ST6GALNAC3: variants seen among roughly 807,000 people sequenced by gnomAD.
ST6GALNAC3 encodes the protein ST6 N-acetylgalactosaminide alpha-2,6-sialyltransferase 3, also known as alpha-N-acetylgalactosaminide alpha-2,6-sialyltransferase 3.
ST6GALNAC3 carries 25 observed loss-of-function variants against 32.7 expected under a neutral mutation model. The ratio of observed to expected loss-of-function variants is 0.76; its 90% confidence interval spans 0.56 to 1.07. The LOEUF (loss-of-function observed/expected upper bound fraction) is 1.07. ST6GALNAC3 is among the 50% of genes least tolerant of loss of function. The pLI is 0.00. For missense variants in ST6GALNAC3, 355 were observed against 382.4 expected (o/e 0.93, Z 0.60); for synonymous variants, 129 against 133.1 (o/e 0.97, Z 0.21).
Position 76,308,239 on chromosome 1 carries a change from A to G in ST6GALNAC3, c.19-5566A>G, listed in dbSNP as rs941638717. 3.9e-5 allele frequency among the ~76,000 whole-genome samples: 6 copies of G among 152,116 alleles called. No individual in the cohort carries two copies. In the East Asian group the frequency reaches 7.7e-4, roughly 20 times the overall value. ...GTCTGACCAGTGCTCAACACTAGCT[A>G]ATGTTCACTGAGGCTGTAACCATCA... On this transcript the variant is annotated intron_variant, in intron 1 of 4. Coordinates refer to ENST00000328299, the MANE Select transcript of ST6GALNAC3 (RefSeq NM_152996.4).
intron 3 of ST6GALNAC3, among the ~76,000 whole-genome samples, chr1:76,416,888 A>G (rs539184905): frequency 3.3e-5 from 5 of 152,186 alleles, no homozygotes; most frequent in African/African-American, 9.6e-5. Context: ...AGGCTCCCAA[A>G]GTGCTGGGAT....
intron 3 of ST6GALNAC3, among the ~76,000 whole-genome samples, chr1:76,527,383 A>G (rs1317950004): frequency 6.6e-6 from 1 of 152,134 alleles, no homozygotes; most frequent in African/African-American, 2.4e-5. Context: ...TTCAAAGATT[A>G]AATAGTTTTG....
chr1:76,442,526 T>C (rs1571241416), intron 3 of ST6GALNAC3, among the ~76,000 whole-genome samples: 1 of 152,228 alleles, frequency 6.6e-6, no homozygotes, highest in Non-Finnish European at 1.5e-5. Flanking sequence ...ATTTGTGCTG[T>C]GATATAATTC....
chr1:76,161,802 C>G (rs1359860513), intron 1 of ST6GALNAC3, among the ~76,000 whole-genome samples: 1 of 152,222 alleles, frequency 6.6e-6, no homozygotes, highest in East Asian at 1.9e-4. Context: ...TCTGTACATA[C>G]ACCAGTTAAA....
chr1:76,113,022 C>T (rs941288589), intron 1 of ST6GALNAC3, among the ~76,000 whole-genome samples: 3 of 152,096 alleles, frequency 2.0e-5, no homozygotes, highest in African/African-American at 7.2e-5. Context: ...GCCGAGATCA[C>T]GCCACTGCAC....
chr1:76,186,439 C>T (rs1653560218), intron 1 of ST6GALNAC3, among the ~76,000 whole-genome samples: 2 of 152,244 alleles, frequency 1.3e-5, no homozygotes, highest in South Asian at 4.1e-4. Flanking sequence ...TTTCCTCCTT[C>T]ATTCCATTCT....
intron 1 of ST6GALNAC3, among the ~76,000 whole-genome samples, chr1:76,148,921 T>G (rs959632465): frequency 3.9e-5 from 6 of 152,248 alleles, no homozygotes; most frequent in African/African-American, 1.4e-4. Flanking sequence ...GGCAGACTTG[T>G]GTTTCATCCT....
intron 3 of ST6GALNAC3, among the ~76,000 whole-genome samples, chr1:76,455,368 G>T (rs1283013252): frequency 6.6e-6 from 1 of 152,116 alleles, no homozygotes; most frequent in Admixed American, 6.6e-5. Flanking sequence ...AATAAAGACA[G>T]ATTTTGAAAT....
intron 1 of ST6GALNAC3, among the ~76,000 whole-genome samples, chr1:76,091,960 T>C (rs1344738673): frequency 6.6e-6 from 1 of 152,230 alleles, no homozygotes; most frequent in Non-Finnish European, 1.5e-5. Context: ...TTCATCCTGC[T>C]GTGAGTTTGG....
At chr1:76,211,800 G>A (rs973793283) in intron 1 of ST6GALNAC3, among the ~76,000 whole-genome samples, 4 of 152,044 alleles carry the variant, frequency 2.6e-5, no homozygotes, top group African/African-American at 4.8e-5. Flanking sequence ...TGGGGGGAGC[G>A]GGGAGGGATA....
intron 3 of ST6GALNAC3, among the ~76,000 whole-genome samples, chr1:76,502,718 G>A (rs185716384): frequency 1.3e-5 from 2 of 152,220 alleles, no homozygotes. Flanking sequence ...GTATTTAGAC[G>A]TATAAATTTT....
chr1:76,566,122 T>C (rs1570295314), intron 3 of ST6GALNAC3, among the ~76,000 whole-genome samples: 1 of 152,336 alleles, frequency 6.6e-6, no homozygotes, highest in South Asian at 2.1e-4. Context: ...AGGTGCCATA[T>C]GGATCCTTGG....
chr1:76,300,173 A>T (rs1660646905), intron 1 of ST6GALNAC3, among the ~76,000 whole-genome samples: 1 of 152,070 alleles, frequency 6.6e-6, no homozygotes, highest in African/African-American at 2.4e-5. Flanking sequence ...GGTGTAAAAT[A>T]GCTGCAATCA....
chr1:76,539,241 A>G (rs1052567513), intron 3 of ST6GALNAC3, among the ~76,000 whole-genome samples: 1 of 152,154 alleles, frequency 6.6e-6, no homozygotes, highest in East Asian at 1.9e-4. Context: ...TCTTTGACAA[A>G]CCTGACAAAA....
At chr1:76,609,918 A>C (rs1418468135) in intron 3 of ST6GALNAC3, among the ~76,000 whole-genome samples, 1 of 152,294 alleles carries the variant, frequency 6.6e-6, no homozygotes, top group East Asian at 1.9e-4. Context: ...CCTTGGCCAT[A>C]GAGTGTGGCT....
rs74091306 is a variant in ST6GALNAC3 at position 76,557,975 on chromosome 1, G to A, written c.624-69477G>A. ...AAAGATGAAACATGTTAGTAAGAGG[G>A]AGCTATGGTGGTTCCCAAATGACAA... On this transcript the variant is annotated intron_variant, in intron 3 of 4. Coordinates refer to ENST00000328299, the MANE Select transcript of ST6GALNAC3 (RefSeq NM_152996.4). 4.4e-3 allele frequency among the ~76,000 whole-genome samples: 674 copies of A among 152,172 alleles called. 6 individuals are homozygous for A. Among genetic ancestry groups the A allele is most frequent in the African/African-American group, 0.016 (645 of 41,522 alleles).
chr1:76,222,577 G>T (rs1391092804), intron 1 of ST6GALNAC3, among the ~76,000 whole-genome samples: 1 of 151,882 alleles, frequency 6.6e-6, no homozygotes, highest in Non-Finnish European at 1.5e-5. Context: ...CGAGTTAATG[G>T]GTACAGCACA....
intron 2 of ST6GALNAC3, among the ~76,000 whole-genome samples, chr1:76,315,118 A>G: frequency 6.6e-6 from 1 of 152,122 alleles, no homozygotes; most frequent in East Asian, 1.9e-4. Flanking sequence ...ATAAATTCTT[A>G]GAATCTTTGA....
chr1:76,274,704 A>C (rs1659036129), intron 1 of ST6GALNAC3, among the ~76,000 whole-genome samples: 1 of 152,234 alleles, frequency 6.6e-6, no homozygotes, highest in African/African-American at 2.4e-5. Context: ...TGAAAGAAAC[A>C]GTAAATGCAA....
Sources: gnomAD v4.1 joint callset for allele counts (sites outside exome capture counted in the v4.1 genomes callset) on GRCh38, gnomAD v4.1.1 for gene constraint, MANE v1.5 for transcripts, NCBI Gene and HGNC (gene_info 2026-07-23, HGNC 2026-07-21) for gene names.